UBE4A: variants seen among roughly 807,000 people sequenced by gnomAD.
The protein encoded by UBE4A is ubiquitin conjugation factor E4 A.
Under a neutral mutation model 117.9 loss-of-function variants are expected in UBE4A, and 48 were observed. The ratio of observed to expected loss-of-function variants is 0.41; its 90% confidence interval spans 0.32 to 0.52. The LOEUF is 0.52. Among genes scored for constraint, UBE4A ranks in the 20% least tolerant of loss-of-function variants. UBE4A has a pLI of 0.33. For synonymous variants in UBE4A, 407 were observed against 450.0 expected, an observed-to-expected ratio of 0.90 and a Z score of 1.21; for missense variants, 1,067 against 1,296.3, an observed-to-expected ratio of 0.82 and a Z score of 2.72.
At chr11:118,389,940 A>G in intron 17 of UBE4A, 35 bp downstream of exon 17, 1 of 1,499,562 alleles carries the variant, frequency 6.7e-7, no homozygotes, top group South Asian at 1.3e-5. Flanking sequence ...GCCAGAGGGG[A>G]TGCTGTTTTG....
At chr11:118,374,369 G>A (rs138152806) in intron 8 of UBE4A, among the ~76,000 whole-genome samples, 110 of 152,264 alleles carry the variant, frequency 7.2e-4, no homozygotes, top group Non-Finnish European at 1.3e-3. Flanking sequence ...AATTATAGTA[G>A]AGGTCTGGCC....
At chr11:118,369,630 AT>A (rs936714423) in intron 4 of UBE4A, 95 bp downstream of exon 4, 158 of 736,590 alleles carry the variant, frequency 2.1e-4, no homozygotes, top group Middle Eastern at 1.1e-3. Flanking sequence ...TTGTGTCCAT[AT>A]GTCCATCCCT....
chr11:118,389,876 A>T lies in UBE4A; in HGVS notation c.2739A>T (p.Ser913=), dbSNP rs782286005. The part of the protein sequence containing the change: ...EFDFKPQQLV[S]DICTIYLNLG... ...ACTTCAAACCCCAGCAGCTTGTATC[A>T]GATATCTGCACTATCTACTTAAATC... Residue 913 remains serine (S), a synonymous_variant, in exon 17 of 20, where the codon TCA becomes TCT. Coordinates refer to ENST00000252108, the MANE Select transcript of UBE4A (RefSeq NM_001204077.2). The T allele has an allele frequency of 6.2e-7, 1 of 1,612,548 alleles. No homozygotes were observed. Among genetic ancestry groups the T allele is most frequent in the South Asian group, 1.1e-5 (1 of 90,984 alleles).
At position 118,391,218 on chromosome 11, in the gene UBE4A, G is replaced by C. The variant is rs115184789; in HGVS notation, c.2916+414G>C. On this transcript the variant is annotated intron_variant, in intron 18 of 19. Coordinates refer to ENST00000252108, the MANE Select transcript of UBE4A (RefSeq NM_001204077.2). ...TTTAAGAAATCGGCTGGGTACAGTA[G>C]TGGCTCATGCTTGTAATCCCAGCAT... Among the ~76,000 whole-genome samples the C allele has an allele frequency of 4.0e-3, 612 of 152,314 alleles. 5 individuals are homozygous for C. Among genetic ancestry groups the C allele is most frequent in the African/African-American group, 0.014 (578 of 41,560 alleles).
chr11:118,372,633 G>A lies in UBE4A; in HGVS notation c.688G>A (p.Val230Ile). Residue 230 changes from valine to isoleucine, a missense_variant, in exon 6 of 20, where the codon GTA becomes ATA. Coordinates refer to ENST00000252108, the MANE Select transcript of UBE4A (RefSeq NM_001204077.2). ...YVDQNIHEQL[V>I]DLMLEAIQGA... Reference sequence around the variant, plus strand: ...TGACCAAAACATCCATGAGCAACTGGTAGATTTGATGTTAGAAGCCATCCA... The same window carrying A: ...TGACCAAAACATCCATGAGCAACTGATAGATTTGATGTTAGAAGCCATCCA... The A allele has an allele frequency of 1.2e-6, 2 of 1,614,134 alleles. No homozygotes were observed. Among genetic ancestry groups the A allele is most frequent in the Non-Finnish European group, 1.7e-6 (2 of 1,180,034 alleles).
Position 118,386,488 on chromosome 11 carries a change from G to C in UBE4A, c.2463G>C (p.Trp821Cys). 1 of 1,609,734 alleles carries C rather than the reference G, an allele frequency of 6.2e-7. No individual in the cohort carries two copies. Among genetic ancestry groups the C allele is most frequent in the East Asian group, 2.2e-5 (1 of 44,594 alleles). Residue 821 changes from tryptophan (W) to cysteine (C), a missense_variant, in exon 16 of 20, where the codon TGG (tryptophan) becomes TGC (cysteine). Trp to Cys is a radical substitution (Grantham distance 215). This residue lies in a region of UBE4A where 1,001 missense variants were observed against 1,184.0 expected (regional missense o/e 0.85). Transcript: ENST00000252108. ...AAATTGAGAAGGATCGAGGTGAATG[G>C]GATAGTCTGACTCCAGAAGCCCGCC... ...IQQIEKDRGE[W>C]DSLTPEARRE...
chr11:118,397,299 A>C lies in UBE4A; in HGVS notation c.*859A>C, dbSNP rs1199546197. The C allele has an allele frequency of 6.6e-6, 1 of 152,118 alleles. No individual in the cohort carries two copies. Among genetic ancestry groups the C allele is most frequent in the East Asian group, 1.9e-4 (1 of 5,192 alleles). 9.4% of individuals were successfully genotyped at this position (152,118 alleles called of 1,614,324 possible). ...AGATATATAAATACACATACACCCC[A>C]TGTGCTTTTTTGTTGGTTTAGTGTA... On this transcript the variant is annotated 3_prime_UTR_variant, in exon 20 of 20. Transcript: ENST00000252108.
chr11:118,382,066 G>A (rs902915009), intron 12 of UBE4A, among the ~76,000 whole-genome samples: 11 of 152,176 alleles, frequency 7.2e-5, no homozygotes, highest in Admixed American at 3.3e-4. Flanking sequence ...GCTGCACAAT[G>A]AAGAGAATGA....
At chr11:118,396,264 T>A in intron 19 of UBE4A, 50 bp from the exon 20 acceptor site, 1 of 1,582,808 alleles carries the variant, frequency 6.3e-7, no homozygotes, top group Non-Finnish European at 8.6e-7. Context: ...TGGCTTAGAA[T>A]GTTAGAACTT....
intron 10 of UBE4A, 30 bp downstream of exon 10, chr11:118,376,724 CAGTTT>C (rs1948655793): frequency 1.9e-6 from 3 of 1,609,506 alleles, no homozygotes; most frequent in Non-Finnish European, 2.5e-6. Context: ...TAGGAAAAAA[CAGTTT>C]AGTTGTGTTG....
rs1230953685 is a variant in UBE4A at position 118,399,110 on chromosome 11, C to T, written c.*2670C>T. ...TGATTGAAATAAAACTTGATCAACG[C>T]GACTGTATTTTGAAACATTCCAGGA... On this transcript the variant is annotated 3_prime_UTR_variant, in exon 20 of 20. Coordinates refer to ENST00000252108, the MANE Select transcript of UBE4A (RefSeq NM_001204077.2). 8.8e-6 allele frequency: 4 copies of T among 454,058 alleles called. No individual in the cohort carries two copies. Among genetic ancestry groups the T allele is most frequent in the African/African-American group, 4.0e-5 (2 of 49,966 alleles). 28.1% of individuals were successfully genotyped at this position (454,058 alleles called of 1,614,324 possible).
At chr11:118,386,024 A>C (rs1319905853) in intron 15 of UBE4A, among the ~76,000 whole-genome samples, 1 of 152,082 alleles carries the variant, frequency 6.6e-6, no homozygotes, top group Non-Finnish European at 1.5e-5. Context: ...TATGTGATAG[A>C]GCTTTGATTT....
At chr11:118,381,242 T>C (rs1948702498) in intron 11 of UBE4A, 149 bp from the exon 12 acceptor site, 2 of 897,590 alleles carry the variant, frequency 2.2e-6, no homozygotes, top group Admixed American at 2.9e-5. Context: ...GATTTTACAT[T>C]TATTGACTTA....
intron 1 of UBE4A, among the ~76,000 whole-genome samples, chr11:118,364,159 A>G (rs1280209505): frequency 1.3e-5 from 2 of 152,074 alleles, no homozygotes; most frequent in African/African-American, 2.4e-5. Flanking sequence ...AAGGGGAGAA[A>G]GCCTTTCAGG....
intron 16 of UBE4A, among the ~76,000 whole-genome samples, chr11:118,387,341 G>A (rs1079118): frequency 0.22 from 33,440 of 152,070 alleles, 4,131 homozygotes; most frequent in East Asian, 0.52. Context: ...GAGATTATTT[G>A]AAGAATAAGA....
intron 1 of UBE4A, among the ~76,000 whole-genome samples, chr11:118,364,153 G>T (rs1347159133): frequency 6.6e-6 from 1 of 151,974 alleles, no homozygotes; most frequent in Non-Finnish European, 1.5e-5. Context: ...TTCAGAAAGG[G>T]GAGAAAGCCT....
chr11:118,375,326 A>C, intron 9 of UBE4A, 97 bp downstream of exon 9: 9 of 1,223,242 alleles, frequency 7.4e-6, no homozygotes, highest in Non-Finnish European at 9.8e-6. Context: ...TTCCTTTCTC[A>C]AAAAAAGATG....
In UBE4A at chr11:118,379,755, G is replaced by C; in HGVS notation, c.1876+5G>C. 6.2e-7 allele frequency: 1 copy of C among 1,604,856 alleles called. No homozygotes were observed. The highest frequency in any genetic ancestry group is 2.2e-5 in the East Asian group (1 of 44,576). On this transcript the variant is annotated splice_donor_5th_base_variant and intron_variant, in intron 11 of 19. Coordinates refer to ENST00000252108, the MANE Select transcript of UBE4A (RefSeq NM_001204077.2). ...GCTCTTTGGCTTATGTGCCAGGTAAGCAGGCTCTCCCTTGGGAATGTCCTG... is the reference window on the plus strand; with the variant it reads ...GCTCTTTGGCTTATGTGCCAGGTAACCAGGCTCTCCCTTGGGAATGTCCTG...
intron 11 of UBE4A, among the ~76,000 whole-genome samples, chr11:118,381,017 A>G (rs138275227): frequency 1.0e-3 from 157 of 152,324 alleles, no homozygotes; most frequent in African/African-American, 3.5e-3. Context: ...CCAAAAGGCA[A>G]TGATCATTGG....
Sources: allele counts gnomAD v4.1 joint callset (sites outside exome capture counted in the v4.1 genomes callset), GRCh38; gene constraint gnomAD v4.1.1; regional missense constraint gnomAD v4.1.1; transcripts MANE v1.5; gene names NCBI Gene and HGNC (gene_info 2026-07-23, HGNC 2026-07-21).